POLR1D: variants seen among roughly 807,000 people sequenced by gnomAD.
POLR1D encodes DNA-directed RNA polymerases I and III subunit RPAC2.
A neutral mutation model predicts 10.8 loss-of-function variants in POLR1D; 8 were observed. The ratio of observed to expected loss-of-function variants is 0.74; its 90% CI spans 0.43 to 1.33. The LOEUF (loss-of-function observed/expected upper bound fraction) is 1.33. Ranked by LOEUF, POLR1D falls within the 40% of genes most tolerant of loss-of-function variation. The pLI, the probability that POLR1D is intolerant of heterozygous loss-of-function variation, is 0.01. For missense variants in POLR1D, 152 were observed against 161.7 expected (o/e 0.94, Z 0.32); for synonymous variants, 54 against 57.2 (o/e 0.94, Z 0.25).
downstream of POLR1D, among the ~76,000 whole-genome samples, chr13:27,627,242 C>G (rs534732215): frequency 2.4e-4 from 36 of 151,146 alleles, no homozygotes; most frequent in Non-Finnish European, 4.4e-4. Flanking sequence ...TCTTTTCCTG[C>G]TTTATAAACT....
rs578010781 is a variant in POLR1D, at chr13:27,652,890, C to T, written c.101+4437C>T. 1.5e-3 allele frequency among the ~76,000 whole-genome samples: 210 copies of T among 144,630 alleles called. 1 individual carries two copies. Among genetic ancestry groups the T allele is most frequent in the African/African-American group, 5.2e-3 (203 of 38,780 alleles). 94.9% of individuals were successfully genotyped at this position (144,630 alleles called of 152,430 possible). ...TCAAAAAAAAAAAAAGAAAACTTGC[C>T]AGAAGTTGCATTTACCATTTCTTTT... On this transcript the variant is annotated intron_variant, in intron 2 of 2. Transcript: ENST00000399697.
intron 2 of POLR1D, chr13:27,650,908 G>A (rs1007885991): frequency 2.0e-5 from 3 of 152,156 alleles, no homozygotes; most frequent in African/African-American, 2.4e-5. Flanking sequence ...TAAATAGGAA[G>A]AAGTAAGCAT....
downstream of POLR1D, chr13:27,623,476 C>G (rs1955974784): frequency 3.2e-6 from 3 of 924,900 alleles, no homozygotes; most frequent in Admixed American, 1.0e-4. Flanking sequence ...CTGTTCCATG[C>G]AACCAAATGG....
rs779011956 is a variant in POLR1D, at chr13:27,623,261, A to G, written c.*11A>G. 6.2e-7 allele frequency: 1 copy of G among 1,613,344 alleles called. No individual in the cohort carries two copies. The highest frequency in any genetic ancestry group is 8.5e-7 in the Non-Finnish European group (1 of 1,179,876). ...GAATCCACATTCTAGTCCTTTATGC[A>G]GTATACAAGGAGAACTGTCCTGTAG... On this transcript the variant is annotated 3_prime_UTR_variant, in exon 2 of 2. Coordinates refer to ENST00000302979, the MANE Select transcript of POLR1D (RefSeq NM_015972.4).
intron 1 of POLR1D, among the ~76,000 whole-genome samples, chr13:27,628,554 A>T (rs188231880): frequency 2.0e-5 from 3 of 152,334 alleles, no homozygotes; most frequent in Non-Finnish European, 4.4e-5. Flanking sequence ...GAATTTTTTT[A>T]AAAACCTGAG....
At chr13:27,656,260 A>C (rs1158343671) in intron 2 of POLR1D, among the ~76,000 whole-genome samples, 1 of 152,216 alleles carries the variant, frequency 6.6e-6, no homozygotes, top group East Asian at 1.9e-4. Flanking sequence ...ATTATTTGCC[A>C]TATATAACAG....
intron 2 of POLR1D, chr13:27,665,408 A>G: frequency 2.2e-6 from 1 of 450,400 alleles, no homozygotes; most frequent in Non-Finnish European, 4.1e-6. Flanking sequence ...CAGTGTGGTC[A>G]ATACCTGTAC....
chr13:27,654,978 A>G (rs1956295852), intron 2 of POLR1D, among the ~76,000 whole-genome samples: 1 of 152,214 alleles, frequency 6.6e-6, no homozygotes. Context: ...ATGAGTCTGG[A>G]GGACTCTCAG....
intron 2 of POLR1D, among the ~76,000 whole-genome samples, chr13:27,653,646 ATATC>A (rs1327849021): frequency 1.1e-4 from 16 of 152,218 alleles, no homozygotes; most frequent in Admixed American, 9.8e-4. Flanking sequence ...TATGTGGGTT[ATATC>A]TATCAATACC....
At chr13:27,665,695 T>C (rs1272640586) in exon 3 of POLR1D, 2 of 1,613,876 alleles carry the variant, frequency 1.2e-6, no homozygotes, top group Admixed American at 3.3e-5. Context: ...GGATGAAGTG[T>C]CCTCTTGCTA....
intron 1 of POLR1D, among the ~76,000 whole-genome samples, chr13:27,639,435 T>A (rs942516262): frequency 5.9e-5 from 9 of 152,188 alleles, no homozygotes; most frequent in Non-Finnish European, 1.3e-4. Context: ...AACCCTATCA[T>A]CACCACCCCA....
At chr13:27,635,913 A>G (rs917498071) in intron 1 of POLR1D, among the ~76,000 whole-genome samples, 13 of 151,910 alleles carry the variant, frequency 8.6e-5, no homozygotes, top group Admixed American at 7.2e-4. Context: ...TTATTCTCTT[A>G]AGGTTACTTG....
chr13:27,641,516 A>G (rs1956172828), intron 1 of POLR1D, among the ~76,000 whole-genome samples: 1 of 152,216 alleles, frequency 6.6e-6, no homozygotes, highest in Non-Finnish European at 1.5e-5. Flanking sequence ...TCCAAATATT[A>G]ATATTAATCC....
At chr13:27,655,382 C>G (rs1356372875) in intron 2 of POLR1D, among the ~76,000 whole-genome samples, 1 of 152,100 alleles carries the variant, frequency 6.6e-6, no homozygotes, top group African/African-American at 2.4e-5. Context: ...TTGTAATTAC[C>G]ATATCAATGA....
At chr13:27,641,212 G>A (rs1956170475) in intron 1 of POLR1D, among the ~76,000 whole-genome samples, 1 of 152,132 alleles carries the variant, frequency 6.6e-6, no homozygotes, top group Non-Finnish European at 1.5e-5. Context: ...AATATCAAAT[G>A]CCTAAATTCA....
At chr13:27,622,366 G>C (rs1302150482) in intron 1 of POLR1D, 2 of 381,722 alleles carry the variant, frequency 5.2e-6, no homozygotes, top group Non-Finnish European at 9.6e-6. Flanking sequence ...TGCTCCTAAA[G>C]CCACTCTGTG....
intron 1 of POLR1D, among the ~76,000 whole-genome samples, chr13:27,645,202 C>T (rs1956208092): frequency 6.6e-6 from 1 of 152,220 alleles, no homozygotes; most frequent in South Asian, 2.1e-4. Context: ...TCTCCAGTAT[C>T]AGCCTATCCC....
chr13:27,626,680 G>C (rs941545742), downstream of POLR1D, among the ~76,000 whole-genome samples: 2 of 152,224 alleles, frequency 1.3e-5, no homozygotes, highest in Admixed American at 6.5e-5. Flanking sequence ...AGTGATTCAA[G>C]ATCAGAAATT....
chr13:27,621,945 C>A lies in POLR1D; in HGVS notation c.-39C>A, dbSNP rs752330161. The A allele has an allele frequency of 6.3e-7, 1 of 1,579,214 alleles. No homozygotes were observed. Among genetic ancestry groups the A allele is most frequent in the South Asian group, 1.2e-5 (1 of 86,512 alleles). ...CGCGCTATGGGACAGAGCCCCCGAT[C>A]CGCCAGCACCACCTGAGGATCCAGA... On this transcript the variant is annotated 5_prime_UTR_variant, in exon 1 of 2. Transcript: ENST00000302979.
Sources: allele counts gnomAD v4.1 joint callset (sites outside exome capture counted in the v4.1 genomes callset), GRCh38; gene constraint gnomAD v4.1.1; transcripts MANE v1.5; gene names NCBI Gene and HGNC (gene_info 2026-07-23, HGNC 2026-07-21).